The following FAM163A variants were observed in gnomAD, a reference collection of about 807,000 sequenced individuals.
FAM163A encodes protein FAM163A.
A neutral mutation model predicts 12.0 loss-of-function variants in FAM163A; 7 were observed. The observed-to-expected ratio is 0.58, with a 90% CI of 0.33 to 1.10. The LOEUF (loss-of-function observed/expected upper bound fraction) is 1.10, where lower values mean the gene tolerates loss of function less well. FAM163A is among the 50% of genes least tolerant of loss of function. FAM163A has a pLI of 0.03. For missense variants in FAM163A, 202 were observed against 218.6 expected (o/e 0.92, Z 0.48); for synonymous variants, 101 against 91.0 (o/e 1.11, Z -0.62).
chr1:179,729,493 G>C, the FAM163A span, among the ~76,000 whole-genome samples: 1 of 152,272 alleles, frequency 6.6e-6, no homozygotes, highest in South Asian at 2.1e-4. Context: ...AGACCCAAGA[G>C]GTACAATGCT....
intron 1 of FAM163A, among the ~76,000 whole-genome samples, chr1:179,753,064 C>T (rs895651349): frequency 1.3e-5 from 2 of 152,080 alleles, no homozygotes; most frequent in African/African-American, 4.8e-5. Context: ...ATGTATACAC[C>T]ACATTTTTAA....
chr1:179,749,938 T>C (rs1187714251), intron 1 of FAM163A, among the ~76,000 whole-genome samples: 2 of 152,224 alleles, frequency 1.3e-5, no homozygotes, highest in Non-Finnish European at 2.9e-5. Flanking sequence ...AAGAAAACTT[T>C]ATGAACAGAA....
chr1:179,741,354 C>A (rs1683614796), upstream of FAM163A, among the ~76,000 whole-genome samples: 1 of 152,200 alleles, frequency 6.6e-6, no homozygotes, highest in South Asian at 2.1e-4. Flanking sequence ...AATTTTGTGG[C>A]CACTTTGGAA....
intron 1 of FAM163A, among the ~76,000 whole-genome samples, chr1:179,771,531 GC>G (rs1255785937): frequency 6.6e-6 from 1 of 151,998 alleles, no homozygotes; most frequent in East Asian, 1.9e-4. Context: ...TGCCAGCACT[GC>G]CCCATTTTTT....
At position 179,814,523 on chromosome 1, in the gene FAM163A, AAG is replaced by A. The variant is rs1444090888; in HGVS notation, c.*335_*336del. 1 of 232,670 alleles carries A rather than the reference AAG, an allele frequency of 4.3e-6. No individual in the cohort carries two copies. The highest frequency in any genetic ancestry group is 8.4e-6 in the Non-Finnish European group (1 of 119,332). 14.4% of individuals were successfully genotyped at this position (232,670 alleles called of 1,614,324 possible). A position where few individuals can be genotyped will look rare whatever the true frequency, so the allele number is the denominator to read the frequency against. On this transcript the variant is annotated 3_prime_UTR_variant, in exon 5 of 5. Transcript: ENST00000341785. Reference sequence around the variant, plus strand: ...TCCCCTGGATTCGCTGGACTGCAAAAAGGAGCACCAGGGAAAGCTCAGCAAAG... The same window carrying A: ...TCCCCTGGATTCGCTGGACTGCAAAAGAGCACCAGGGAAAGCTCAGCAAAG...
At chr1:179,752,415 C>T (rs569341012) in intron 1 of FAM163A, among the ~76,000 whole-genome samples, 2 of 147,284 alleles carry the variant, frequency 1.4e-5, no homozygotes, top group South Asian at 2.1e-4. Context: ...ATGAAAATCA[C>T]AGGCCACAAA....
intron 1 of FAM163A, among the ~76,000 whole-genome samples, chr1:179,777,603 G>C (rs372454423): frequency 6.6e-6 from 1 of 152,282 alleles, no homozygotes; most frequent in Admixed American, 6.5e-5. Context: ...GAACACTGCT[G>C]CTTCCTGGTA....
At chr1:179,785,576 T>C (rs979545100) in intron 1 of FAM163A, among the ~76,000 whole-genome samples, 1 of 152,110 alleles carries the variant, frequency 6.6e-6, no homozygotes, top group Non-Finnish European at 1.5e-5. Context: ...ATAAAAATGA[T>C]CTCTTCACAA....
Position 179,813,123 on chromosome 1 carries a change from C to T in FAM163A, c.26C>T (p.Thr9Ile). 6.4e-7 allele frequency: 1 copy of T among 1,551,948 alleles called. No homozygotes were observed. The highest frequency in any genetic ancestry group is 1.2e-5 in the South Asian group (1 of 84,078). MTAGTVVI[T>I]GGILATVILL... ...ATGACAGCGGGAACGGTTGTGATCA[C>T]TGGCGGAATCCTAGCTACGGTGATC... The change falls in exon 4 of 5, where the codon ACT becomes ATT. Residue 9 changes from threonine to isoleucine, a missense_variant. Physicochemically the swap from Thr to Ile is moderately conservative, Grantham distance 89. Coordinates refer to ENST00000341785, the MANE Select transcript of FAM163A (RefSeq NM_173509.3).
At chr1:179,742,014 T>A (rs1481483118), upstream of FAM163A, 1 of 152,168 alleles carries the variant, frequency 6.6e-6, no homozygotes, top group Non-Finnish European at 1.5e-5. Context: ...GCCTTTGAGA[T>A]GAGGAAGAAT....
intron 1 of FAM163A, among the ~76,000 whole-genome samples, chr1:179,763,370 C>A: frequency 6.6e-6 from 1 of 152,302 alleles, no homozygotes; most frequent in South Asian, 2.1e-4. Context: ...GCCAAAGAGG[C>A]ATATTTTGGC....
intron 1 of FAM163A, among the ~76,000 whole-genome samples, chr1:179,767,320 A>G (rs1381123023): frequency 2.0e-5 from 3 of 152,138 alleles, no homozygotes; most frequent in African/African-American, 7.2e-5. Context: ...AAAATGGCCT[A>G]TGATAATGAG....
At position 179,787,447 on chromosome 1, in the gene FAM163A, G is replaced by A. The variant is rs549282829; in HGVS notation, c.-135-20351G>A. Among the ~76,000 whole-genome samples, 6 of 152,274 alleles carry A rather than the reference G, an allele frequency of 3.9e-5. No individual in the cohort carries two copies. In the South Asian group the frequency reaches 6.2e-4, roughly 16 times the overall value. On this transcript the variant is annotated intron_variant, in intron 1 of 4. Coordinates refer to ENST00000341785, the MANE Select transcript of FAM163A (RefSeq NM_173509.3). ...GCCCCTGCCCCGAAGGTTCCCTCGC[G>A]CACAGTTTTGTGCAGATAAATGGTT... is the stretch of plus-strand genomic sequence containing the variant.
At chr1:179,732,225 A>G in the FAM163A span, among the ~76,000 whole-genome samples, 2 of 152,254 alleles carry the variant, frequency 1.3e-5, no homozygotes, top group Non-Finnish European at 2.9e-5. Context: ...TTTCTCATTT[A>G]CTACATTACC....
chr1:179,736,903 T>C, the FAM163A span, among the ~76,000 whole-genome samples: 4 of 152,224 alleles, frequency 2.6e-5, no homozygotes, highest in Non-Finnish European at 5.9e-5. Flanking sequence ...TTGGTTGGAA[T>C]GTAAAATGGT....
chr1:179,801,905 G>C (rs140326341), intron 1 of FAM163A, among the ~76,000 whole-genome samples: 1 of 152,292 alleles, frequency 6.6e-6, no homozygotes, highest in Non-Finnish European at 1.5e-5. Context: ...CTGTAAAGGA[G>C]AAAGCAAAAT....
At chr1:179,799,065 G>C (rs1420788923) in intron 1 of FAM163A, among the ~76,000 whole-genome samples, 1 of 151,882 alleles carries the variant, frequency 6.6e-6, no homozygotes, top group African/African-American at 2.4e-5. Context: ...TGTCCCTTCA[G>C]TGGCCTGTGT....
chr1:179,796,736 A>C (rs1297103363), intron 1 of FAM163A, among the ~76,000 whole-genome samples: 1 of 152,260 alleles, frequency 6.6e-6, no homozygotes, highest in Non-Finnish European at 1.5e-5. Context: ...CACAGCCCAC[A>C]AGATGAGCTG....
intron 1 of FAM163A, among the ~76,000 whole-genome samples, chr1:179,794,213 A>G (rs1228390977): frequency 1.3e-5 from 2 of 152,226 alleles, no homozygotes; most frequent in Non-Finnish European, 2.9e-5. Flanking sequence ...GCACAGTTTA[A>G]GGAGTTAAAG....
Sources: gnomAD v4.1 joint callset for allele counts (sites outside exome capture counted in the v4.1 genomes callset) on GRCh38, gnomAD v4.1.1 for gene constraint, MANE v1.5 for transcripts, NCBI Gene and HGNC (gene_info 2026-07-23, HGNC 2026-07-21) for gene names.